AOPEP: variants seen among roughly 807,000 people sequenced by gnomAD.
The protein encoded by AOPEP is aminopeptidase O.
In AOPEP, 77 loss-of-function variants were observed where a neutral mutation model predicts 98.1. The observed-to-expected ratio is 0.78, with a 90% CI of 0.65 to 0.95. AOPEP has a LOEUF of 0.95. Ranked by LOEUF, AOPEP falls within the 40% of genes least tolerant of loss-of-function variation. AOPEP has a pLI of 0.00. For missense variants in AOPEP, 1,024 were observed against 1,024.7 expected (o/e 1.00, Z 0.01); for synonymous variants, 346 against 365.3 (o/e 0.95, Z 0.60).
At chr9:94,786,223 C>A (rs1168011291) in intron 3 of AOPEP, among the ~76,000 whole-genome samples, 1 of 152,188 alleles carries the variant, frequency 6.6e-6, no homozygotes, top group African/African-American at 2.4e-5. Context: ...TATAGATTAT[C>A]TAATTTAATC....
chr9:94,784,170 C>G (rs988021654), intron 3 of AOPEP, among the ~76,000 whole-genome samples: 1 of 152,174 alleles, frequency 6.6e-6, no homozygotes, highest in Non-Finnish European at 1.5e-5. Flanking sequence ...AACTTAGCCT[C>G]TGCACAAGCA....
chr9:95,077,268 C>T (rs1314864808), intron 14 of AOPEP, among the ~76,000 whole-genome samples: 1 of 152,246 alleles, frequency 6.6e-6, no homozygotes, highest in South Asian at 2.1e-4. Flanking sequence ...GCCTCCAGCA[C>T]TGCCCCGGCT....
intron 5 of AOPEP, among the ~76,000 whole-genome samples, chr9:94,818,636 G>A (rs1419783368): frequency 6.6e-6 from 1 of 152,212 alleles, no homozygotes; most frequent in Admixed American, 6.5e-5. Context: ...GGCAGTAAAG[G>A]TAAAGAAACC....
At chr9:94,990,829 T>C (rs1440160545) in intron 11 of AOPEP, among the ~76,000 whole-genome samples, 1 of 152,134 alleles carries the variant, frequency 6.6e-6, no homozygotes, top group African/African-American at 2.4e-5. Flanking sequence ...GGTTTCACCA[T>C]GTTGGCCAGG....
the AOPEP span, chr9:95,117,183 T>A: frequency 1.2e-6 from 1 of 829,828 alleles, no homozygotes; most frequent in Non-Finnish European, 2.0e-6. Flanking sequence ...TCCTGGGGGC[T>A]TAAAGGGATC....
chr9:95,022,234 G>A (rs1429280111), intron 13 of AOPEP: 4 of 152,170 alleles, frequency 2.6e-5, no homozygotes, highest in Admixed American at 6.5e-5. Flanking sequence ...AGAGGGTGAG[G>A]TATGTCATTT....
chr9:94,857,231 T>C (rs751474775), intron 5 of AOPEP, among the ~76,000 whole-genome samples: 6 of 152,222 alleles, frequency 3.9e-5, no homozygotes, highest in Non-Finnish European at 8.8e-5. Context: ...ATCTTTTCTC[T>C]ATCCCTCTCA....
chr9:95,124,070 C>T, the AOPEP span, among the ~76,000 whole-genome samples: 1 of 144,328 alleles, frequency 6.9e-6, no homozygotes, highest in African/African-American at 2.6e-5. Context: ...CATCACTGCA[C>T]TCCAGCCTGG....
At chr9:94,961,360 G>A (rs2058829728) in intron 9 of AOPEP, among the ~76,000 whole-genome samples, 1 of 152,106 alleles carries the variant, frequency 6.6e-6, no homozygotes, top group Admixed American at 6.5e-5. Context: ...CAATAAGTAT[G>A]TCTTCATTGT....
intron 13 of AOPEP, among the ~76,000 whole-genome samples, chr9:95,024,254 G>T (rs908567303): frequency 2.6e-5 from 4 of 152,174 alleles, no homozygotes; most frequent in Non-Finnish European, 4.4e-5. Context: ...GAGAGAGAAC[G>T]TAGGATAGGA....
Position 95,044,983 on chromosome 9 carries a change from G to A in AOPEP, c.2116-15711G>A, listed in dbSNP as rs946646694. On this transcript the variant is annotated intron_variant, in intron 13 of 16. Coordinates refer to ENST00000375315, the MANE Select transcript of AOPEP (RefSeq NM_001193329.3). ...TGCAGAGTTGGTGTTGAAGGAACGT[G>A]GGGAAGAGGGTGGCCCATTTTATAT... 3.9e-5 allele frequency among the ~76,000 whole-genome samples: 6 copies of A among 152,210 alleles called. No homozygotes were observed. The South Asian group carries it at 1.2e-3, about 31-fold the overall frequency.
chr9:94,952,681 G>A (rs1279932121), intron 7 of AOPEP, among the ~76,000 whole-genome samples: 1 of 152,212 alleles, frequency 6.6e-6, no homozygotes, highest in Non-Finnish European at 1.5e-5. Context: ...CACAGAGATG[G>A]AAGTTTCCTG....
At chr9:94,766,312 G>A (rs377242072) in intron 2 of AOPEP, among the ~76,000 whole-genome samples, 45 of 152,356 alleles carry the variant, frequency 3.0e-4, no homozygotes, top group African/African-American at 1.1e-3. Flanking sequence ...GCCGAGGCGG[G>A]TGAATCACAA....
At chr9:95,038,467 CCA>C (rs2065017896) in intron 13 of AOPEP, among the ~76,000 whole-genome samples, 1 of 152,170 alleles carries the variant, frequency 6.6e-6, no homozygotes, top group East Asian at 1.9e-4. Flanking sequence ...ACCATGTTTG[CCA>C]CAAGTCTCAG....
In AOPEP at chr9:94,738,595, A is replaced by G. The variant is rs559230038; in HGVS notation, c.-136+11844A>G. 1.0e-3 allele frequency among the ~76,000 whole-genome samples: 153 copies of G among 152,174 alleles called. 6 individuals are homozygous for G. The South Asian group carries it at 0.032, about 31-fold the overall frequency. ...ATTATTATTATTATTTTTTTTTGAG[A>G]TGGAGTCTCGCTCTGTCACCCAGGC... On this transcript the variant is annotated intron_variant, in intron 1 of 16. Transcript: ENST00000375315.
intron 1 of AOPEP, among the ~76,000 whole-genome samples, chr9:94,758,756 A>G (rs765925288): frequency 1.4e-4 from 21 of 152,260 alleles, no homozygotes; most frequent in Non-Finnish European, 2.2e-4. Context: ...CTAGGTACAC[A>G]ACGGGGACTG....
chr9:94,902,816 G>A (rs1296467522), intron 5 of AOPEP, among the ~76,000 whole-genome samples: 2 of 151,556 alleles, frequency 1.3e-5, no homozygotes, highest in African/African-American at 4.8e-5. Context: ...AGCACTTTGG[G>A]AGGCCGAGGT....
At chr9:94,961,476 C>T (rs371950562) in intron 9 of AOPEP, among the ~76,000 whole-genome samples, 41 of 152,208 alleles carry the variant, frequency 2.7e-4, no homozygotes, top group African/African-American at 8.7e-4. Flanking sequence ...TTTCCAATTG[C>T]GTTTATCTTT....
chr9:94,829,358 A>G (rs1855424913), intron 5 of AOPEP, among the ~76,000 whole-genome samples: 1 of 152,214 alleles, frequency 6.6e-6, no homozygotes. Context: ...TGTGGCCTTA[A>G]AAGTTTGAGA....
Sources: gnomAD v4.1 joint callset for allele counts (sites outside exome capture counted in the v4.1 genomes callset) on GRCh38, gnomAD v4.1.1 for gene constraint, MANE v1.5 for transcripts, NCBI Gene and HGNC (gene_info 2026-07-23, HGNC 2026-07-21) for gene names.